LARGE1: variants seen among roughly 807,000 people sequenced by gnomAD.
The protein encoded by LARGE1 is xylosyl- and glucuronyltransferase LARGE1.
Under a neutral mutation model 87.6 loss-of-function variants are expected in LARGE1, and 43 were observed. The ratio of observed to expected loss-of-function variants is 0.49; its 90% CI spans 0.38 to 0.63. LARGE1 has a LOEUF of 0.63. Ranked by LOEUF, LARGE1 falls within the 30% of genes least tolerant of loss-of-function variation. The pLI, the probability that LARGE1 is intolerant of heterozygous loss-of-function variation, is 0.00. For missense variants in LARGE1, 802 were observed against 1,000.2 expected, an observed-to-expected ratio of 0.80 and a Z score of 2.67; for synonymous variants, 434 against 394.6, an observed-to-expected ratio of 1.10 and a Z score of -1.18.
At chr22:33,677,380 A>G (rs1369266846) in intron 2 of LARGE1, among the ~76,000 whole-genome samples, 1 of 152,110 alleles carries the variant, frequency 6.6e-6, no homozygotes, top group African/African-American at 2.4e-5. Flanking sequence ...CAATGGAACT[A>G]GTAGAGGAAC....
chr22:33,727,553 C>T (rs1220334721), intron 2 of LARGE1: 6 of 152,222 alleles, frequency 3.9e-5, no homozygotes, highest in Non-Finnish European at 7.3e-5. Flanking sequence ...AGCCCTGTGG[C>T]TTCAATCCCC....
At chr22:33,438,036 G>A (rs1302407590) in intron 6 of LARGE1, among the ~76,000 whole-genome samples, 1 of 151,934 alleles carries the variant, frequency 6.6e-6, no homozygotes, top group Non-Finnish European at 1.5e-5. Flanking sequence ...GTTCTGTCGG[G>A]TAACACCCTT....
At chr22:33,458,402 C>A (rs1307864822) in intron 6 of LARGE1, among the ~76,000 whole-genome samples, 2 of 151,324 alleles carry the variant, frequency 1.3e-5, no homozygotes, top group Non-Finnish European at 2.9e-5. Flanking sequence ...CCGTGCCCGG[C>A]CAAAAATGTC....
At chr22:33,296,571 T>C (rs1044978964) in intron 12 of LARGE1, among the ~76,000 whole-genome samples, 25 of 146,814 alleles carry the variant, frequency 1.7e-4, no homozygotes, top group Non-Finnish European at 1.5e-4. Context: ...TTTCTTTTCT[T>C]TTTTTTTTTT....
intron 10 of LARGE1, among the ~76,000 whole-genome samples, chr22:33,335,904 T>C (rs1189238939): frequency 1.3e-5 from 2 of 152,236 alleles, no homozygotes; most frequent in African/African-American, 2.4e-5. Flanking sequence ...GGCTGATCAT[T>C]GTTTTCTGCG....
chr22:33,459,196 G>C (rs879212528), intron 6 of LARGE1, among the ~76,000 whole-genome samples: 14 of 152,228 alleles, frequency 9.2e-5, no homozygotes, highest in Admixed American at 9.2e-4. Context: ...TCAATGTCAA[G>C]ATAGGTATTT....
At chr22:33,659,466 C>T (rs1048206648) in intron 2 of LARGE1, among the ~76,000 whole-genome samples, 2 of 152,150 alleles carry the variant, frequency 1.3e-5, no homozygotes, top group Non-Finnish European at 2.9e-5. Flanking sequence ...GTGTCATCAG[C>T]TTTTCTTTTC....
chr22:33,403,742 T>A (rs2066001863), intron 7 of LARGE1, among the ~76,000 whole-genome samples: 1 of 152,148 alleles, frequency 6.6e-6, no homozygotes, highest in Admixed American at 6.5e-5. Context: ...TAGCTGGGAT[T>A]ACAAGTGCCT....
At chr22:33,072,088 C>T in the LARGE1 span, among the ~76,000 whole-genome samples, 41 of 152,296 alleles carry the variant, frequency 2.7e-4, no homozygotes, top group African/African-American at 9.9e-4. Flanking sequence ...TTTCCACCTC[C>T]CTGCCCTCCC....
At chr22:33,152,469 T>C in the LARGE1 span, among the ~76,000 whole-genome samples, 2 of 152,242 alleles carry the variant, frequency 1.3e-5, no homozygotes, top group African/African-American at 4.8e-5. Context: ...CTAGCTCACA[T>C]TGGATCACAC....
intron 2 of LARGE1, among the ~76,000 whole-genome samples, chr22:33,714,571 C>T (rs767108969): frequency 5.9e-5 from 9 of 152,148 alleles, no homozygotes; most frequent in Non-Finnish European, 1.3e-4. Context: ...TATAAATTTA[C>T]CTTGATAACA....
At chr22:33,082,893 C>G in the LARGE1 span, among the ~76,000 whole-genome samples, 4 of 151,964 alleles carry the variant, frequency 2.6e-5, no homozygotes, top group African/African-American at 9.7e-5. Context: ...GGCGTGGTGG[C>G]GGGCACCTGT....
At chr22:33,205,948 CT>C (rs386395258) in intron 11 of LARGE1, among the ~76,000 whole-genome samples, 15,171 of 84,634 alleles carry the variant, frequency 0.18, 735 homozygotes, top group South Asian at 0.27. Context: ...CATGCTAATT[CT>C]TTTTTTTTTT....
chr22:33,732,524 G>C (rs1282936703), intron 2 of LARGE1: 1 of 152,566 alleles, frequency 6.6e-6, no homozygotes, highest in Non-Finnish European at 1.5e-5. Context: ...TTGGGAAGTT[G>C]ACAGAGAATA....
chr22:33,862,776 C>G (rs1336215407), intron 1 of LARGE1, among the ~76,000 whole-genome samples: 1 of 152,076 alleles, frequency 6.6e-6, no homozygotes, highest in East Asian at 1.9e-4. Context: ...TTTCATTGAC[C>G]TAACAAATCT....
chr22:33,286,775 G>A (rs1931621107), intron 12 of LARGE1, among the ~76,000 whole-genome samples: 1 of 152,212 alleles, frequency 6.6e-6, no homozygotes, highest in South Asian at 2.1e-4. Flanking sequence ...AAACATGGAT[G>A]TTTGTATCTA....
At chr22:33,380,015 C>G (rs1479134723) in intron 9 of LARGE1, among the ~76,000 whole-genome samples, 1 of 152,222 alleles carries the variant, frequency 6.6e-6, no homozygotes, top group Non-Finnish European at 1.5e-5. Flanking sequence ...ATCATCCCTT[C>G]CAAGGGCAAA....
chr22:33,157,520 G>A (rs1273900775), downstream of LARGE1, among the ~76,000 whole-genome samples: 2 of 152,118 alleles, frequency 1.3e-5, no homozygotes, highest in African/African-American at 2.4e-5. Flanking sequence ...TAAACTGCCT[G>A]TTAGTCCTCA....
the LARGE1 span, among the ~76,000 whole-genome samples, chr22:33,137,494 A>C: frequency 6.6e-6 from 1 of 152,170 alleles, no homozygotes; most frequent in South Asian, 2.1e-4. Context: ...AAAAAGAAAA[A>C]CCCATTTTCT....
Sources: gnomAD v4.1 joint callset for allele counts (sites outside exome capture counted in the v4.1 genomes callset) on GRCh38, gnomAD v4.1.1 for gene constraint, MANE v1.5 for transcripts, NCBI Gene and HGNC (gene_info 2026-07-23, HGNC 2026-07-21) for gene names.